The following C8orf34 variants were observed in gnomAD, a reference collection of about 807,000 sequenced individuals.
The protein encoded by C8orf34 is chromosome 8 open reading frame 34, also known as uncharacterized protein C8orf34.
Under a neutral mutation model 68.3 loss-of-function variants are expected in C8orf34, and 65 were observed. That is an observed-to-expected ratio of 0.95 (90% CI 0.78 to 1.17). The LOEUF (loss-of-function observed/expected upper bound fraction) is 1.17. C8orf34 is among the 50% of genes most tolerant of loss of function. C8orf34 has a pLI of 0.00. For missense variants in C8orf34, 664 were observed against 655.4 expected (o/e 1.01, Z -0.14); for synonymous variants, 244 against 241.2 (o/e 1.01, Z -0.11).
At position 68,585,998 on chromosome 8, in the gene C8orf34, G is replaced by C. The variant is rs143755430; in HGVS notation, c.1105+52849G>C. ...ACATGGGAGTGTAAATACCAAGATG[G>C]GGACCTTTGGGACCATCTTGGAGGC... On this transcript the variant is annotated intron_variant, in intron 7 of 13. Coordinates refer to ENST00000518698, the MANE Select transcript of C8orf34 (RefSeq NM_052958.4). Among the ~76,000 whole-genome samples, 737 of 152,124 alleles carry C rather than the reference G, an allele frequency of 4.8e-3. 5 individuals are homozygous for C. Among genetic ancestry groups the C allele is most frequent in the African/African-American group, 0.017 (711 of 41,482 alleles).
In C8orf34 at chr8:68,343,717, A is replaced by G. The variant is rs115851262; in HGVS notation, c.327+12378A>G. On this transcript the variant is annotated intron_variant, in intron 1 of 13. Coordinates refer to ENST00000518698, the MANE Select transcript of C8orf34 (RefSeq NM_052958.4). ...CAAACGATCCTTCTGCCTCAGCCTC[A>G]CGAGTAGCTGGCATTACAGGTATGC... Among the ~76,000 whole-genome samples the G allele has an allele frequency of 7.9e-3, 1,190 of 151,406 alleles. 19 individuals carry two copies. Among genetic ancestry groups the G allele is most frequent in the African/African-American group, 0.027 (1,094 of 41,196 alleles).
At chr8:68,355,265 G>A (rs1219669669) in intron 1 of C8orf34, among the ~76,000 whole-genome samples, 3 of 152,036 alleles carry the variant, frequency 2.0e-5, no homozygotes, top group Admixed American at 2.0e-4. Context: ...CACAACAAGT[G>A]CATTTGCCTT....
intron 6 of C8orf34, among the ~76,000 whole-genome samples, chr8:68,532,486 A>G (rs372638568): frequency 1.3e-5 from 2 of 152,318 alleles, no homozygotes; most frequent in East Asian, 3.9e-4. Flanking sequence ...AATAAAAGCA[A>G]GACAATTCAA....
intron 1 of C8orf34, among the ~76,000 whole-genome samples, chr8:68,416,512 CATTT>C (rs3057630): frequency 0.035 from 5,172 of 146,026 alleles, 101 homozygotes; most frequent in Admixed American, 0.045. Flanking sequence ...ATTAAACATA[CATTT>C]ATTTATTTAT....
chr8:68,368,536 C>CT (rs1807415913), intron 1 of C8orf34, among the ~76,000 whole-genome samples: 1 of 151,668 alleles, frequency 6.6e-6, no homozygotes, highest in South Asian at 2.1e-4. Flanking sequence ...GAGTGGTAAA[C>CT]TTCATATTTT....
intron 10 of C8orf34, among the ~76,000 whole-genome samples, chr8:68,763,582 C>G (rs1272626094): frequency 6.6e-6 from 1 of 152,094 alleles, no homozygotes; most frequent in Admixed American, 6.6e-5. Context: ...TCCTGTTGAT[C>G]CTATATAGAT....
chr8:68,382,606 G>T (rs1258588570), intron 1 of C8orf34, among the ~76,000 whole-genome samples: 1 of 152,082 alleles, frequency 6.6e-6, no homozygotes, highest in African/African-American at 2.4e-5. Flanking sequence ...ATTCCACACA[G>T]TAAGATGCTG....
intron 1 of C8orf34, among the ~76,000 whole-genome samples, chr8:68,422,519 C>T (rs917676848): frequency 3.3e-5 from 5 of 152,204 alleles, no homozygotes; most frequent in Non-Finnish European, 7.3e-5. Flanking sequence ...AGCTCTACTC[C>T]TGTGGTTTTG....
At chr8:68,633,622 C>G (rs1197135878) in intron 7 of C8orf34, among the ~76,000 whole-genome samples, 1 of 152,132 alleles carries the variant, frequency 6.6e-6, no homozygotes, top group East Asian at 1.9e-4. Context: ...TTCCAGCTTA[C>G]CAAATTTCTT....
At chr8:68,447,908 A>T (rs1811188946) in intron 3 of C8orf34, 1 of 152,194 alleles carries the variant, frequency 6.6e-6, no homozygotes, top group South Asian at 2.1e-4. Context: ...TAAAATTTGC[A>T]TGTCTTTTTT....
intron 3 of C8orf34, among the ~76,000 whole-genome samples, chr8:68,455,849 G>A (rs2129628078): frequency 6.6e-6 from 1 of 151,778 alleles, no homozygotes; most frequent in African/African-American, 2.4e-5. Context: ...AAATTTCTGA[G>A]TATTGTTCAT....
chr8:68,589,131 A>G (rs1267428753), intron 7 of C8orf34, among the ~76,000 whole-genome samples: 1 of 152,206 alleles, frequency 6.6e-6, no homozygotes, highest in Admixed American at 6.6e-5. Flanking sequence ...AATCACATTG[A>G]CCAGGGATTT....
At chr8:68,742,742 A>T (rs1822340394) in intron 10 of C8orf34, among the ~76,000 whole-genome samples, 1 of 131,158 alleles carries the variant, frequency 7.6e-6, no homozygotes, top group Admixed American at 8.1e-5. Flanking sequence ...AAAGAAAGAC[A>T]CAGCTTCTTT....
intron 1 of C8orf34, among the ~76,000 whole-genome samples, chr8:68,399,664 G>A (rs578067246): frequency 6.6e-6 from 1 of 151,994 alleles, no homozygotes; most frequent in South Asian, 2.1e-4. Context: ...CTTTTCCTTT[G>A]GGTAGATTCC....
chr8:68,715,780 A>G lies in C8orf34; in HGVS notation c.1328-5581A>G, dbSNP rs535603577. Among the ~76,000 whole-genome samples, 3 of 152,316 alleles carry G rather than the reference A, an allele frequency of 2.0e-5. No individual in the cohort carries two copies. The South Asian group carries it at 6.2e-4, about 32-fold the overall frequency. ...GGAGATTCCTTAAATAACTAAAAGA[A>G]GATCTACCATTTGATCCAGCAATCC... On this transcript the variant is annotated intron_variant, in intron 9 of 13. Coordinates refer to ENST00000518698, the MANE Select transcript of C8orf34 (RefSeq NM_052958.4).
Position 68,721,389 on chromosome 8 carries a change from A to G in C8orf34, c.1356A>G (p.Leu452=), listed in dbSNP as rs1821671097. 6.2e-7 allele frequency: 1 copy of G among 1,608,968 alleles called. No homozygotes were observed. Among genetic ancestry groups the G allele is most frequent in the Admixed American group, 1.7e-5 (1 of 59,886 alleles). ...FDSLPGTEEA[L]MEEGDEFEKA... ...CCTTGCCTGGGACTGAAGAAGCACT[A>G]ATGGAGGAGGGTGACGAATTTGAGA... Residue 452 remains leucine (L), a synonymous_variant, in exon 10 of 14, where the codon CTA becomes CTG. Coordinates refer to ENST00000518698, the MANE Select transcript of C8orf34 (RefSeq NM_052958.4).
intron 10 of C8orf34, among the ~76,000 whole-genome samples, chr8:68,774,435 G>T (rs923034328): frequency 7.3e-5 from 11 of 151,432 alleles, no homozygotes; most frequent in African/African-American, 2.7e-4. Context: ...ACAGCTTGAG[G>T]GATTTATATG....
At chr8:68,686,103 A>C (rs768976032) in intron 8 of C8orf34, among the ~76,000 whole-genome samples, 11 of 152,070 alleles carry the variant, frequency 7.2e-5, no homozygotes, top group Non-Finnish European at 4.4e-5. Context: ...AGACAGACAA[A>C]TAACAAGCAG....
intron 7 of C8orf34, among the ~76,000 whole-genome samples, chr8:68,544,285 C>CT (rs1261446951): frequency 5.3e-5 from 8 of 152,124 alleles, no homozygotes; most frequent in African/African-American, 1.9e-4. Context: ...CATCGTAGAG[C>CT]TTTTACCCAG....
Sources: allele counts gnomAD v4.1 joint callset (sites outside exome capture counted in the v4.1 genomes callset), GRCh38; gene constraint gnomAD v4.1.1; transcripts MANE v1.5; gene names NCBI Gene and HGNC (gene_info 2026-07-23, HGNC 2026-07-21).